Variants in GPC4 observed in about 807,000 individuals in gnomAD.
The protein encoded by GPC4 is glypican-4.
GPC4 carries 10 observed loss-of-function variants against 35.0 expected under a neutral mutation model. That is an observed-to-expected ratio of 0.29 (90% CI 0.18 to 0.48). GPC4 has a LOEUF of 0.48. Ranked by LOEUF, GPC4 falls within the 20% of genes least tolerant of loss-of-function variation. The probability of loss-of-function intolerance (pLI) is 0.99; values close to 1 mark genes in which losing one functional copy is unlikely to be tolerated. For synonymous variants in GPC4, 167 were observed against 170.2 expected, an observed-to-expected ratio of 0.98 and a Z score of 0.15; for missense variants, 322 against 451.3, an observed-to-expected ratio of 0.71 and a Z score of 2.60.
chrX:133,377,413 T>C (rs1388572347), intron 1 of GPC4, among the ~76,000 whole-genome samples: 1 of 112,029 alleles, frequency 8.9e-6, no homozygotes, highest in African/African-American at 3.3e-5. Flanking sequence ...ACCCAAATTA[T>C]TGTCCCATTA....
intron 1 of GPC4, among the ~76,000 whole-genome samples, chrX:133,361,689 T>C (rs2068568829): frequency 8.9e-6 from 1 of 111,874 alleles, no homozygotes; most frequent in East Asian, 2.8e-4. Flanking sequence ...TGTAAAGTGC[T>C]CCAGGGAAAT....
chrX:133,409,380 G>A (rs2068803859), intron 1 of GPC4, among the ~76,000 whole-genome samples: 1 of 101,023 alleles, frequency 9.9e-6, no homozygotes, highest in South Asian at 4.6e-4. Context: ...AAGATTCCTA[G>A]GAGATCAACA....
At chrX:133,397,036 CTT>C (rs1408974730) in intron 1 of GPC4, among the ~76,000 whole-genome samples, 1 of 112,282 alleles carries the variant, frequency 8.9e-6, no homozygotes, top group Non-Finnish European at 1.9e-5. Flanking sequence ...TTACTTCACT[CTT>C]GAGCTTAGAA....
chrX:133,412,836 CG>C (rs1166593208), intron 1 of GPC4, among the ~76,000 whole-genome samples: 3 of 111,947 alleles, frequency 2.7e-5, no homozygotes, highest in Non-Finnish European at 5.6e-5. Flanking sequence ...CCTGCCACAG[CG>C]AAAGACTGCA....
At chrX:133,403,093 T>G (rs1276597727) in intron 1 of GPC4, among the ~76,000 whole-genome samples, 1 of 111,200 alleles carries the variant, frequency 9.0e-6, no homozygotes, top group Non-Finnish European at 1.9e-5. Flanking sequence ...ACGCTCTAGG[T>G]TAAGGGGTAA....
chrX:133,386,325 T>C (rs1276091728), intron 1 of GPC4, among the ~76,000 whole-genome samples: 1 of 110,779 alleles, frequency 9.0e-6, no homozygotes, highest in Admixed American at 9.6e-5. Flanking sequence ...AAACAAAGAA[T>C]ACATATTTGC....
At chrX:133,334,134 C>T (rs2266804) in intron 2 of GPC4, among the ~76,000 whole-genome samples, 41,412 of 110,987 alleles carry the variant, frequency 0.37, 6,449 homozygotes, top group African/African-American at 0.6. Flanking sequence ...ATGCCTTTCA[C>T]GGGCATATAA....
chrX:133,334,154 C>T (rs559298557), intron 2 of GPC4, among the ~76,000 whole-genome samples: 2 of 111,912 alleles, frequency 1.8e-5, no homozygotes, highest in South Asian at 7.5e-4. Context: ...AATTTTAATG[C>T]CTCCTACTCA....
Position 133,403,610 on chromosome X carries a change from G to A in GPC4, c.160+11196C>T, listed in dbSNP as rs1180403068. Among the ~76,000 whole-genome samples, 27 of 110,817 alleles carry A rather than the reference G, an allele frequency of 2.4e-4. No homozygotes were observed. In the Admixed American group the frequency reaches 2.6e-3, roughly 11 times the overall value. On this transcript the variant is annotated intron_variant, in intron 1 of 8. Coordinates refer to ENST00000370828, the MANE Select transcript of GPC4 (RefSeq NM_001448.3). ...ACAGAAACAAAAAGTCATGCTTAAC[G>A]TTCCTGAGCACCTACCACATGCCAT...
intron 1 of GPC4, among the ~76,000 whole-genome samples, chrX:133,395,650 A>T (rs1212424095): frequency 9.0e-6 from 1 of 111,674 alleles, no homozygotes; most frequent in Admixed American, 9.6e-5. Context: ...AATTTTTTTT[A>T]AACCTTGGAA....
intron 1 of GPC4, among the ~76,000 whole-genome samples, chrX:133,411,393 C>T (rs2068812330): frequency 8.9e-6 from 1 of 112,054 alleles, no homozygotes; most frequent in Non-Finnish European, 1.9e-5. Flanking sequence ...TACCCTTTAC[C>T]TTTGTCTTTA....
At chrX:133,395,572 C>T in intron 1 of GPC4, among the ~76,000 whole-genome samples, 1 of 111,452 alleles carries the variant, frequency 9.0e-6, no homozygotes, top group Non-Finnish European at 1.9e-5. Flanking sequence ...TGCAATGAGC[C>T]AAGATCATGC....
At chrX:133,388,727 C>T (rs977769797) in intron 1 of GPC4, among the ~76,000 whole-genome samples, 1 of 110,136 alleles carries the variant, frequency 9.1e-6, no homozygotes, top group African/African-American at 3.3e-5. Flanking sequence ...TGATCTCCAT[C>T]TCCTGACCTC....
intron 2 of GPC4, among the ~76,000 whole-genome samples, chrX:133,338,872 CT>C (rs1331196593): frequency 6.6e-4 from 69 of 103,839 alleles, no homozygotes; most frequent in African/African-American, 1.0e-3. Context: ...ATTATGAGGT[CT>C]TTTTTTTTTT....
Position 133,329,296 on chromosome X carries a change from T to A in GPC4, c.320-4760A>T, listed in dbSNP as rs765669422. ...ACAAATAAACATTATTACTAATATG[T>A]GAGATGATAGTGTTGTCACTCTTAG... is the stretch of plus-strand genomic sequence containing the variant. On this transcript the variant is annotated intron_variant, in intron 2 of 8. Coordinates refer to ENST00000370828, the MANE Select transcript of GPC4 (RefSeq NM_001448.3). 2.7e-5 allele frequency among the ~76,000 whole-genome samples: 3 copies of A among 112,070 alleles called. No individual in the cohort carries two copies. In the East Asian group the frequency reaches 8.4e-4, roughly 31 times the overall value.
At chrX:133,404,868 A>G (rs907031491) in intron 1 of GPC4, among the ~76,000 whole-genome samples, 4 of 105,071 alleles carry the variant, frequency 3.8e-5, no homozygotes, top group African/African-American at 1.4e-4. Flanking sequence ...AAAAAAAAAA[A>G]GGTGCAGAGG....
chrX:133,388,248 T>C, intron 1 of GPC4, among the ~76,000 whole-genome samples: 1 of 112,321 alleles, frequency 8.9e-6, no homozygotes, highest in Middle Eastern at 4.2e-3. Flanking sequence ...TCTGTGTTTT[T>C]AGTCCACTTG....
chrX:133,320,192 T>C (rs949311787), intron 3 of GPC4, among the ~76,000 whole-genome samples: 1 of 112,032 alleles, frequency 8.9e-6, no homozygotes, highest in African/African-American at 3.2e-5. Flanking sequence ...TTTCACTCTA[T>C]GTAAATTCAG....
At chrX:133,320,296 T>C (rs1281121619) in intron 3 of GPC4, among the ~76,000 whole-genome samples, 1 of 111,679 alleles carries the variant, frequency 9.0e-6, no homozygotes, top group East Asian at 2.8e-4. Flanking sequence ...AGAGATCAAG[T>C]CTAAAAACAA....
Sources: allele counts gnomAD v4.1 joint callset (sites outside exome capture counted in the v4.1 genomes callset), GRCh38; gene constraint gnomAD v4.1.1; transcripts MANE v1.5; gene names NCBI Gene and HGNC (gene_info 2026-07-23, HGNC 2026-07-21).